SLC25A15: variants seen among roughly 807,000 people sequenced by gnomAD.
The protein encoded by SLC25A15 is mitochondrial ornithine transporter 1.
In SLC25A15, 24 loss-of-function variants were observed where a neutral mutation model predicts 32.3. That is an observed-to-expected ratio of 0.74 (90% confidence interval 0.54 to 1.04). The LOEUF is 1.04. SLC25A15 is among the 50% of genes least tolerant of loss of function. The pLI is 0.00. For synonymous variants in SLC25A15, 132 were observed against 142.1 expected (o/e 0.93, Z 0.51); for missense variants, 317 against 374.5 (o/e 0.85, Z 1.27).
chr13:40,801,777 C>T (rs1483008427), intron 3 of SLC25A15, among the ~76,000 whole-genome samples: 2 of 152,210 alleles, frequency 1.3e-5, no homozygotes, highest in Non-Finnish European at 2.9e-5. Context: ...CAGGAGTGCT[C>T]AGGTACATGT....
intron 3 of SLC25A15, among the ~76,000 whole-genome samples, chr13:40,800,431 T>C (rs1881834366): frequency 6.6e-6 from 1 of 152,088 alleles, no homozygotes; most frequent in Admixed American, 6.6e-5. Flanking sequence ...TGGCATGCCA[T>C]GATGGAGACT....
chr13:40,800,180 T>C (rs1881825565), intron 3 of SLC25A15, among the ~76,000 whole-genome samples: 1 of 152,226 alleles, frequency 6.6e-6, no homozygotes, highest in Non-Finnish European at 1.5e-5. Flanking sequence ...ATTCGGTTTC[T>C]TGTGCACAGC....
intron 1 of SLC25A15, among the ~76,000 whole-genome samples, chr13:40,790,775 CG>C (rs369755016): frequency 1.1e-4 from 16 of 152,162 alleles, no homozygotes; most frequent in African/African-American, 3.9e-4. Flanking sequence ...TTAATAGAGA[CG>C]GGGGTTTCTC....
At chr13:40,807,263 A>C (rs761119245) in intron 4 of SLC25A15, 31 bp from the exon 5 acceptor site, 21 of 1,610,722 alleles carry the variant, frequency 1.3e-5, no homozygotes, top group Non-Finnish European at 1.7e-5. Context: ...CACCTGCTGT[A>C]ACCGTGCTAT....
At chr13:40,792,676 G>A (rs1881553064) in intron 1 of SLC25A15, among the ~76,000 whole-genome samples, 1 of 152,194 alleles carries the variant, frequency 6.6e-6, no homozygotes, top group Admixed American at 6.5e-5. Flanking sequence ...GGTAGAGCAG[G>A]CATTCACCAA....
In SLC25A15 at chr13:40,811,360, G is replaced by A. The variant is rs1593297530; in HGVS notation, c.*1693G>A. 1.3e-5 allele frequency among the ~76,000 whole-genome samples: 2 copies of A among 151,980 alleles called. No individual in the cohort carries two copies. The highest frequency in any genetic ancestry group is 4.2e-4 in the South Asian group (2 of 4,816). On this transcript the variant is annotated 3_prime_UTR_variant, in exon 7 of 7. Coordinates refer to ENST00000338625, the MANE Select transcript of SLC25A15 (RefSeq NM_014252.4). ...AAAAATTAGCTGGGCGTGGTGGCAC[G>A]TGCCTGTAATCCCAGCTACTCAGGA...
At chr13:40,801,243 AAAG>A (rs1881875472) in intron 3 of SLC25A15, among the ~76,000 whole-genome samples, 1 of 151,006 alleles carries the variant, frequency 6.6e-6, no homozygotes, top group African/African-American at 2.4e-5. Context: ...AAAAAAAAAA[AAAG>A]AAAAGAAAAG....
rs928755785 is a variant in SLC25A15 at position 40,810,632 on chromosome 13, A to T, written c.*965A>T. The T allele has an allele frequency of 2.7e-5, 11 of 409,852 alleles. No homozygotes were observed. Among genetic ancestry groups the T allele is most frequent in the African/African-American group, 2.3e-4 (11 of 48,326 alleles). The allele number at this position is 409,852 out of a possible 1,614,324, so 25.4% of individuals were successfully genotyped here. ...GATGCTCTACTCTTAAAATAGTGCC[A>T]TTCATTTTCTAGGTGGGATCATATT... On this transcript the variant is annotated 3_prime_UTR_variant, in exon 7 of 7. Transcript: ENST00000338625.
At chr13:40,807,524 T>C (rs1882243522) in intron 5 of SLC25A15, 61 bp downstream of exon 5, 7 of 1,561,064 alleles carry the variant, frequency 4.5e-6, no homozygotes, top group Non-Finnish European at 6.2e-6. Flanking sequence ...GCAGGTATGG[T>C]TTCTGTGGAT....
In SLC25A15 at chr13:40,808,919, C is replaced by T. The variant is rs1366315478; in HGVS notation, c.781+323C>T. On this transcript the variant is annotated intron_variant, in intron 6 of 6. Coordinates refer to ENST00000338625, the MANE Select transcript of SLC25A15 (RefSeq NM_014252.4). ...CACTGCACTCCAGCCTGGGCAACAG[C>T]GAGACTCTGTCTCAAAAAAAAAAAA... Among the ~76,000 whole-genome samples, 52 of 122,572 alleles carry T rather than the reference C, an allele frequency of 4.2e-4. 1 individual carries two copies. Among genetic ancestry groups the T allele is most frequent in the Admixed American group, 4.2e-4 (4 of 9,498 alleles). 80.4% of individuals were successfully genotyped at this position (122,572 alleles called of 152,430 possible). A position where few individuals can be genotyped will look rare whatever the true frequency, so the allele number is the denominator to read the frequency against.
intron 2 of SLC25A15, among the ~76,000 whole-genome samples, chr13:40,794,446 C>T (rs1400401970): frequency 3.3e-5 from 5 of 152,104 alleles, no homozygotes; most frequent in Admixed American, 1.3e-4. Flanking sequence ...CTAACCTGAG[C>T]CTAGGGGCCT....
rs544890517 is a variant in SLC25A15 at position 40,799,455 on chromosome 13, A to T, written c.314+140A>T. The stretch of plus-strand genomic sequence containing the variant: ...GGCTTGAGGCTGAGAGTTCAAAACC[A>T]GCCTGGGCAACACAGCAAGATCCTC... On this transcript the variant is annotated intron_variant, in intron 3 of 6. Transcript: ENST00000338625. 8.6e-5 allele frequency: 86 copies of T among 996,460 alleles called. 1 individual carries two copies. The East Asian group carries it at 2.0e-3, about 23-fold the overall frequency. 61.7% of individuals were successfully genotyped at this position (996,460 alleles called of 1,614,324 possible).
At chr13:40,792,827 C>T (rs1881558099) in intron 1 of SLC25A15, among the ~76,000 whole-genome samples, 1 of 152,164 alleles carries the variant, frequency 6.6e-6, no homozygotes, top group Non-Finnish European at 1.5e-5. Context: ...CAATTGATGG[C>T]TCAACATAGG....
chr13:40,801,031 G>C (rs1020300432), intron 3 of SLC25A15, among the ~76,000 whole-genome samples: 71 of 152,224 alleles, frequency 4.7e-4, no homozygotes, highest in Middle Eastern at 3.4e-3. Flanking sequence ...CCAGGAGTTT[G>C]AGACCAACCT....
intron 5 of SLC25A15, among the ~76,000 whole-genome samples, chr13:40,807,723 T>C (rs1157767706): frequency 6.6e-6 from 1 of 152,228 alleles, no homozygotes; most frequent in Non-Finnish European, 1.5e-5. Flanking sequence ...TTTTTTAATT[T>C]TTCTGGATCT....
At chr13:40,805,330 A>T in intron 4 of SLC25A15, 75 bp downstream of exon 4, 1 of 1,564,678 alleles carries the variant, frequency 6.4e-7, no homozygotes, top group South Asian at 1.1e-5. Flanking sequence ...TTTACATTGT[A>T]CTAAAGTGGC....
chr13:40,807,362 C>G lies in SLC25A15; in HGVS notation c.521C>G (p.Ser174Ter), dbSNP rs200873328. The change falls in exon 5 of 7, where the codon TCA becomes TGA. Residue 174 changes from serine (S) to a stop codon, truncating the protein, a stop_gained. Coordinates refer to ENST00000338625, the MANE Select transcript of SLC25A15 (RefSeq NM_014252.4). LOFTEE classifies it high-confidence loss of function. ...DGPLGFYHGL[S>*]STLLREVPGY... ...CCCTTGGGGTTCTACCATGGACTCT[C>G]AAGCACTTTACTTCGAGAAGTACCA... 5.6e-6 allele frequency: 9 copies of G among 1,614,106 alleles called. No homozygotes were observed. Among genetic ancestry groups the G allele is most frequent in the Non-Finnish European group, 1.7e-6 (2 of 1,180,008 alleles).
intron 3 of SLC25A15, among the ~76,000 whole-genome samples, chr13:40,801,577 G>T (rs1353610219): frequency 6.6e-6 from 1 of 152,168 alleles, no homozygotes; most frequent in Admixed American, 6.5e-5. Context: ...GACCACAGTT[G>T]GGGGTCTGGA....
At chr13:40,805,394 C>G in intron 4 of SLC25A15, 139 bp downstream of exon 4, 1 of 1,035,004 alleles carries the variant, frequency 9.7e-7, no homozygotes, top group South Asian at 1.4e-5. Context: ...AATGCTTTCC[C>G]CTATCAGAGA....
Sources: gnomAD v4.1 joint callset for allele counts (sites outside exome capture counted in the v4.1 genomes callset) on GRCh38, gnomAD v4.1.1 for gene constraint, MANE v1.5 for transcripts, NCBI Gene and HGNC (gene_info 2026-07-23, HGNC 2026-07-21) for gene names.